ZMIZ1: variants seen among roughly 807,000 people sequenced by gnomAD.
ZMIZ1 encodes zinc finger MIZ domain-containing protein 1.
Under a neutral mutation model 113.9 loss-of-function variants are expected in ZMIZ1, and 17 were observed. The ratio of observed to expected loss-of-function variants is 0.15; its 90% CI spans 0.10 to 0.22. The LOEUF (loss-of-function observed/expected upper bound fraction) is 0.22. Ranked by LOEUF, ZMIZ1 falls within the 10% of genes least tolerant of loss-of-function variation. ZMIZ1 has a pLI of 1.00. For synonymous variants in ZMIZ1, 607 were observed against 603.1 expected, an observed-to-expected ratio of 1.01 and a Z score of -0.09; for missense variants, 1,059 against 1,477.8, an observed-to-expected ratio of 0.72 and a Z score of 4.65.
At chr10:79,283,468 G>A (rs1011239536) in intron 8 of ZMIZ1, among the ~76,000 whole-genome samples, 2 of 152,176 alleles carry the variant, frequency 1.3e-5, no homozygotes, top group Admixed American at 1.3e-4. Flanking sequence ...CTGATCCTCA[G>A]CCAGGTGCCA....
chr10:79,087,275 AG>A (rs1842848098), intron 1 of ZMIZ1, among the ~76,000 whole-genome samples: 1 of 152,236 alleles, frequency 6.6e-6, no homozygotes, highest in Non-Finnish European at 1.5e-5. Context: ...TGTTGGAGGA[AG>A]GGGAGCCTGG....
intron 4 of ZMIZ1, among the ~76,000 whole-genome samples, chr10:79,187,238 G>A (rs1021656345): frequency 7.9e-5 from 12 of 152,202 alleles, no homozygotes; most frequent in African/African-American, 1.2e-4. Flanking sequence ...GGGTCTGAGC[G>A]CTGTAGTCAC....
At chr10:79,305,075 G>C in intron 19 of ZMIZ1, 89 bp from the exon 20 acceptor site, 1 of 1,435,894 alleles carries the variant, frequency 7.0e-7, no homozygotes, top group Non-Finnish European at 9.8e-7. Context: ...TTTCTCTCTG[G>C]TGGGGAAGTT....
chr10:79,181,862 C>G (rs1027691518), intron 4 of ZMIZ1, among the ~76,000 whole-genome samples: 1 of 152,208 alleles, frequency 6.6e-6, no homozygotes, highest in Non-Finnish European at 1.5e-5. Flanking sequence ...CTCCCAGCCA[C>G]CACCACCACA....
At chr10:79,308,958 C>G (rs1463215208) in intron 23 of ZMIZ1, among the ~76,000 whole-genome samples, 1 of 152,196 alleles carries the variant, frequency 6.6e-6, no homozygotes, top group East Asian at 1.9e-4. Context: ...GACCTCAGAG[C>G]CCCTTAAGAT....
At chr10:79,163,180 G>A (rs1283050189) in intron 4 of ZMIZ1, among the ~76,000 whole-genome samples, 3 of 152,262 alleles carry the variant, frequency 2.0e-5, no homozygotes, top group African/African-American at 4.8e-5. Flanking sequence ...CCCTGGTGTG[G>A]AGCTGTCTCC....
rs1554823914 is a variant in ZMIZ1, at chr10:79,259,617, C to CCT, written c.281-17564_281-17563insCT. ...TCATGAAGATATTCTCTATCACCTTCTTTTTTTTTTTTTTTTGAGGTGGTG... is the reference window on the plus strand; with the variant it reads ...TCATGAAGATATTCTCTATCACCTTCCTTTTTTTTTTTTTTTTTGAGGTGGTG... On this transcript the variant is annotated intron_variant, in intron 7 of 24. Transcript: ENST00000334512. Among the ~76,000 whole-genome samples, 101 of 141,174 alleles carry CCT rather than the reference C, an allele frequency of 7.2e-4. No homozygotes were observed. In the East Asian group the frequency reaches 0.015, roughly 21 times the overall value. 92.6% of individuals were successfully genotyped at this position (141,174 alleles called of 152,430 possible).
intron 1 of ZMIZ1, among the ~76,000 whole-genome samples, chr10:79,086,177 TG>T (rs1238628357): frequency 6.6e-6 from 1 of 152,216 alleles, no homozygotes; most frequent in African/African-American, 2.4e-5. Context: ...TTGCCATGGT[TG>T]ACGGGGATTT....
At chr10:79,295,269 A>G (rs527838214) in intron 12 of ZMIZ1, 16 of 152,334 alleles carry the variant, frequency 1.1e-4, no homozygotes, top group African/African-American at 3.4e-4. Context: ...CTGCACCTGC[A>G]CCTGTGCCAT....
chr10:79,110,992 G>T (rs1252298175), intron 1 of ZMIZ1, among the ~76,000 whole-genome samples: 2 of 152,230 alleles, frequency 1.3e-5, no homozygotes, highest in Non-Finnish European at 2.9e-5. Flanking sequence ...CTGGCACCGA[G>T]GGACTCCTTG....
intron 4 of ZMIZ1, among the ~76,000 whole-genome samples, chr10:79,192,924 C>T (rs1847667017): frequency 1.3e-5 from 2 of 152,180 alleles, no homozygotes; most frequent in Admixed American, 1.3e-4. Context: ...CTGCCTCTTC[C>T]ATCCCTCTCC....
intron 1 of ZMIZ1, among the ~76,000 whole-genome samples, chr10:79,117,678 C>T (rs1462602300): frequency 2.0e-5 from 3 of 152,188 alleles, no homozygotes; most frequent in Admixed American, 2.0e-4. Context: ...GGGTAAGAGA[C>T]CCTTCCAAAC....
chr10:79,118,241 C>A lies in ZMIZ1; in HGVS notation c.-336-674C>A, dbSNP rs1289447444. 2.0e-5 allele frequency among the ~76,000 whole-genome samples: 3 copies of A among 152,322 alleles called. No individual in the cohort carries two copies. The highest frequency in any genetic ancestry group is 7.2e-5 in the African/African-American group (3 of 41,568). On this transcript the variant is annotated intron_variant, in intron 1 of 24. Transcript: ENST00000334512. The surrounding 1 kb of genome is among the most constrained non-coding windows in gnomAD (Gnocchi z 4.1). The stretch of plus-strand genomic sequence containing the variant: ...AATAGAGGAAGGGATGGGGGGAGGC[C>A]TCCTGACTTCAGTCAGCCCATGTTT...
chr10:79,175,292 G>A (rs574782831), intron 4 of ZMIZ1, among the ~76,000 whole-genome samples: 8 of 152,346 alleles, frequency 5.3e-5, no homozygotes, highest in Admixed American at 3.3e-4. Context: ...CTGCCCTCAC[G>A]CTTCTTAGCA....
rs201051621 is a variant in ZMIZ1, at chr10:79,307,386, C to G, written c.2669-19C>G. On this transcript the variant is annotated intron_variant, in intron 22 of 24. Transcript: ENST00000334512. Reference sequence around the variant, plus strand: ...CCCTCTGGGTGACCCCCTCCCCTCCCCATCTCATCCCTTCCTAGGCAACAA... The same window carrying G: ...CCCTCTGGGTGACCCCCTCCCCTCCGCATCTCATCCCTTCCTAGGCAACAA... The G allele has an allele frequency of 6.2e-7, 1 of 1,610,542 alleles. No homozygotes were observed.
At chr10:79,213,043 C>CT (rs1421052596) in intron 6 of ZMIZ1, among the ~76,000 whole-genome samples, 3 of 152,252 alleles carry the variant, frequency 2.0e-5, no homozygotes, top group Admixed American at 2.0e-4. Flanking sequence ...GTGCTTCCCC[C>CT]TGCCACCCCC....
At chr10:79,280,807 A>G (rs1447260774) in intron 8 of ZMIZ1, among the ~76,000 whole-genome samples, 2 of 150,654 alleles carry the variant, frequency 1.3e-5, no homozygotes, top group Non-Finnish European at 3.0e-5. Flanking sequence ...ACCTGCCTCC[A>G]CCTCCCTCTG....
intron 3 of ZMIZ1, among the ~76,000 whole-genome samples, chr10:79,161,390 G>A (rs970551661): frequency 7.2e-5 from 11 of 152,092 alleles, no homozygotes; most frequent in Non-Finnish European, 1.0e-4. Context: ...CTCCACTCAC[G>A]GCACCCCTCC....
intron 7 of ZMIZ1, among the ~76,000 whole-genome samples, chr10:79,240,112 T>C (rs1749849): frequency 0.46 from 70,390 of 152,078 alleles, 17,465 homozygotes; most frequent in South Asian, 0.59. Flanking sequence ...CTATTGATCC[T>C]CGCGTCAGGC....
Sources: gnomAD v4.1 joint callset for allele counts (sites outside exome capture counted in the v4.1 genomes callset) on GRCh38, gnomAD v4.1.1 for gene constraint, Gnocchi (gnomAD v3.1) non-coding constraint, MANE v1.5 for transcripts, NCBI Gene and HGNC (gene_info 2026-07-23, HGNC 2026-07-21) for gene names.